Variants in PRKN observed in about 807,000 individuals in gnomAD.
The protein encoded by PRKN is parkin RBR E3 ubiquitin protein ligase, also known as E3 ubiquitin-protein ligase parkin.
PRKN carries 56 observed loss-of-function variants against 59.5 expected under a neutral mutation model. The observed-to-expected ratio is 0.94, with a 90% CI of 0.76 to 1.18. PRKN has a LOEUF of 1.18. PRKN is among the 50% of genes most tolerant of loss of function. PRKN has a pLI of 0.00. For missense variants in PRKN, 657 were observed against 596.4 expected (o/e 1.10, Z -1.06); for synonymous variants, 250 against 222.1 (o/e 1.13, Z -1.12).
At position 162,157,781 on chromosome 6, in the gene PRKN, C is replaced by A. The variant is rs561706800; in HGVS notation, c.534+43350G>T. ...ACCCAAGACACATTCAGAAAGACTT[C>A]TCATTCCCTCCAACTACAGCCAAGT... On this transcript the variant is annotated intron_variant, in intron 4 of 11. Coordinates refer to ENST00000366898, the MANE Select transcript of PRKN (RefSeq NM_004562.3). Among the ~76,000 whole-genome samples, 37 of 152,128 alleles carry A rather than the reference C, an allele frequency of 2.4e-4. 1 individual carries two copies. The highest frequency in any genetic ancestry group is 8.0e-4 in the African/African-American group (33 of 41,416).
Position 162,697,263 on chromosome 6 carries a change from G to A in PRKN, c.7+30399C>T, listed in dbSNP as rs529514239. ...GTAAGAAAAATGTTTTAAGTTTTCC[G>A]TAATAAAAAATTATACAGACATACA... On this transcript the variant is annotated intron_variant, in intron 1 of 11. Transcript: ENST00000366898. Among the ~76,000 whole-genome samples, 8 of 152,008 alleles carry A rather than the reference G, an allele frequency of 5.3e-5. No homozygotes were observed. In the South Asian group the frequency reaches 6.2e-4, roughly 12 times the overall value.
At chr6:161,874,432 A>AAT (rs1367403641) in intron 6 of PRKN, among the ~76,000 whole-genome samples, 77 of 38,050 alleles carry the variant, frequency 2.0e-3, no homozygotes, top group Non-Finnish European at 3.0e-3. Flanking sequence ...TTATATGTAA[A>AAT]ATATTATATA....
chr6:162,385,634 G>A (rs887679902), intron 2 of PRKN, among the ~76,000 whole-genome samples: 5 of 151,980 alleles, frequency 3.3e-5, no homozygotes, highest in African/African-American at 9.7e-5. Flanking sequence ...ATCTTCACAA[G>A]GCTGACCACA....
intron 7 of PRKN, among the ~76,000 whole-genome samples, chr6:161,746,366 G>A (rs1374575040): frequency 6.6e-6 from 1 of 151,808 alleles, no homozygotes; most frequent in Non-Finnish European, 1.5e-5. Context: ...GGGCTAAAGA[G>A]GCAAACTCTT....
chr6:162,098,660 C>T (rs1169585407), intron 4 of PRKN, among the ~76,000 whole-genome samples: 1 of 152,206 alleles, frequency 6.6e-6, no homozygotes, highest in Non-Finnish European at 1.5e-5. Flanking sequence ...TCCTTCCTTC[C>T]TATATTTTAC....
At chr6:162,395,342 G>T (rs187517823) in intron 2 of PRKN, among the ~76,000 whole-genome samples, 107 of 152,324 alleles carry the variant, frequency 7.0e-4, no homozygotes, top group African/African-American at 2.5e-3. Context: ...TGGGAACACA[G>T]ACACTGTCCT....
chr6:162,362,522 T>G (rs1441997501), intron 2 of PRKN, among the ~76,000 whole-genome samples: 1 of 152,168 alleles, frequency 6.6e-6, no homozygotes, highest in African/African-American at 2.4e-5. Flanking sequence ...GAATTAAAAT[T>G]GAATAATATT....
intron 1 of PRKN, among the ~76,000 whole-genome samples, chr6:162,513,202 G>C (rs1777703527): frequency 6.6e-6 from 1 of 152,178 alleles, no homozygotes; most frequent in African/African-American, 2.4e-5. Flanking sequence ...ATTCCAGCTG[G>C]GCGTGGTAGC....
In PRKN at chr6:161,440,442, A is replaced by T. The variant is rs758984442; in HGVS notation, c.1084-53565T>A. Among the ~76,000 whole-genome samples, 2 of 152,088 alleles carry T rather than the reference A, an allele frequency of 1.3e-5. No individual in the cohort carries two copies. The highest frequency in any genetic ancestry group is 2.9e-5 in the Non-Finnish European group (2 of 68,022). ...GGATTATCCCACCCCAAATATCAAGAATGCTGACACGGAGGTTGAGAAGCC... is the reference window on the plus strand; with the variant it reads ...GGATTATCCCACCCCAAATATCAAGTATGCTGACACGGAGGTTGAGAAGCC... On this transcript the variant is annotated intron_variant, in intron 9 of 11. Transcript: ENST00000366898. The surrounding 1 kb of genome is among the most constrained non-coding windows in gnomAD (Gnocchi z 4.1).
intron 4 of PRKN, among the ~76,000 whole-genome samples, chr6:162,107,234 G>T (rs1780226746): frequency 6.6e-6 from 1 of 152,230 alleles, no homozygotes; most frequent in Non-Finnish European, 1.5e-5. Context: ...GGAGGCCAAA[G>T]GGGGCGCATC....
chr6:161,745,212 T>G (rs1436296180), intron 7 of PRKN, among the ~76,000 whole-genome samples: 1 of 152,126 alleles, frequency 6.6e-6, no homozygotes, highest in Non-Finnish European at 1.5e-5. Context: ...AGGCATGAAA[T>G]AATAACATAA....
rs888378642 is a variant in PRKN at position 161,413,439 on chromosome 6, T to C, written c.1084-26562A>G. Among the ~76,000 whole-genome samples, 1 of 152,124 alleles carries C rather than the reference T, an allele frequency of 6.6e-6. No homozygotes were observed. The highest frequency in any genetic ancestry group is 1.5e-5 in the Non-Finnish European group (1 of 68,022). On this transcript the variant is annotated intron_variant, in intron 9 of 11. Transcript: ENST00000366898. The surrounding 1 kb of genome is among the most constrained non-coding windows in gnomAD (Gnocchi z 4.4). Reference sequence around the variant, plus strand: ...AGTGCATCAACACAGAGTAACCGAATACATCAGAGAGGACATAGGGATCTG... The same window carrying C: ...AGTGCATCAACACAGAGTAACCGAACACATCAGAGAGGACATAGGGATCTG...
At position 161,499,289 on chromosome 6, in the gene PRKN, T is replaced by G. The variant is rs763315130; in HGVS notation, c.1083+49565A>C. The stretch of plus-strand genomic sequence containing the variant: ...TCCACTCCTTCCCTTCAGTTGCTAT[T>G]TGTCATTACACATAAATGTCTGTTG... On this transcript the variant is annotated intron_variant, in intron 9 of 11. Coordinates refer to ENST00000366898, the MANE Select transcript of PRKN (RefSeq NM_004562.3). The surrounding 1 kb of genome is among the most constrained non-coding windows in gnomAD (Gnocchi z 4.2). Among the ~76,000 whole-genome samples the G allele has an allele frequency of 6.6e-6, 1 of 152,220 alleles. No individual in the cohort carries two copies. The highest frequency in any genetic ancestry group is 1.5e-5 in the Non-Finnish European group (1 of 68,040).
rs548095656 is a variant in PRKN, at chr6:161,562,274, C to T, written c.933+7081G>A. Among the ~76,000 whole-genome samples, 7 of 152,270 alleles carry T rather than the reference C, an allele frequency of 4.6e-5. No homozygotes were observed. Among genetic ancestry groups the T allele is most frequent in the South Asian group, 4.1e-4 (2 of 4,826 alleles). ...GGACCCGCCTTCTTGGCTTCCTCAA[C>T]ACCACAAATTGCCATTCCTCCTCCG... is the stretch of plus-strand genomic sequence containing the variant. On this transcript the variant is annotated intron_variant, in intron 8 of 11. Transcript: ENST00000366898. This position sits in a 1 kb window ranked among gnomAD's most constrained non-coding sequence, Gnocchi z 4.3.
intron 7 of PRKN, among the ~76,000 whole-genome samples, chr6:161,751,928 G>A (rs960907382): frequency 1.3e-5 from 2 of 152,222 alleles, no homozygotes; most frequent in African/African-American, 4.8e-5. Flanking sequence ...AGGTGCAAAG[G>A]CCCTGCACGG....
chr6:162,167,315 A>G (rs1261069499), intron 4 of PRKN, among the ~76,000 whole-genome samples: 1 of 152,210 alleles, frequency 6.6e-6, no homozygotes, highest in African/African-American at 2.4e-5. Context: ...TAAAGCTGGA[A>G]TGCCTGGATT....
At chr6:161,565,654 C>A (rs577359583) in intron 8 of PRKN, among the ~76,000 whole-genome samples, 6 of 152,168 alleles carry the variant, frequency 3.9e-5, no homozygotes, top group Non-Finnish European at 8.8e-5. Flanking sequence ...GAGGCCTCCC[C>A]AGTCATGTGG....
rs756753053 is a variant in PRKN, at chr6:161,386,724, C to G, written c.1167+70G>C. On this transcript the variant is annotated intron_variant, in intron 10 of 11. Coordinates refer to ENST00000366898, the MANE Select transcript of PRKN (RefSeq NM_004562.3). The surrounding 1 kb of genome is among the most constrained non-coding windows in gnomAD (Gnocchi z 4.3). ...TTTAGAATGGAACTCTCCATGACCT[C>G]CAGGAAACGGCTCCAGTCCCCCACT... is the stretch of plus-strand genomic sequence containing the variant. 59 of 1,211,288 alleles carry G rather than the reference C, an allele frequency of 4.9e-5. No individual in the cohort carries two copies. Among genetic ancestry groups the G allele is most frequent in the Non-Finnish European group, 7.1e-5 (58 of 812,330 alleles). 75.0% of individuals were successfully genotyped at this position (1,211,288 alleles called of 1,614,324 possible).
At position 161,609,383 on chromosome 6, in the gene PRKN, T is replaced by A. The variant is rs1782406021; in HGVS notation, c.872-39967A>T. Among the ~76,000 whole-genome samples, 3 of 152,284 alleles carry A rather than the reference T, an allele frequency of 2.0e-5. No individual in the cohort carries two copies. In the South Asian group the frequency reaches 6.2e-4, roughly 32 times the overall value. ...AGAGTTCATTAACAGTGTTTTTTTA[T>A]TTTTTCTTGATGATGAAGAAAATGA... On this transcript the variant is annotated intron_variant, in intron 7 of 11. Coordinates refer to ENST00000366898, the MANE Select transcript of PRKN (RefSeq NM_004562.3).
Sources: gnomAD v4.1 joint callset for allele counts (sites outside exome capture counted in the v4.1 genomes callset) on GRCh38, gnomAD v4.1.1 for gene constraint, Gnocchi (gnomAD v3.1) non-coding constraint, MANE v1.5 for transcripts, NCBI Gene and HGNC (gene_info 2026-07-23, HGNC 2026-07-21) for gene names.